Variants in SUSD1 observed in about 807,000 individuals in gnomAD.
The protein encoded by SUSD1 is sushi domain-containing protein 1.
A neutral mutation model predicts 86.9 loss-of-function variants in SUSD1; 65 were observed. The ratio of observed to expected loss-of-function variants is 0.75; its 90% CI spans 0.61 to 0.92. The LOEUF (loss-of-function observed/expected upper bound fraction) is 0.92, where lower values mean the gene tolerates loss of function less well. Among genes scored for constraint, SUSD1 ranks in the 40% least tolerant of loss-of-function variants. SUSD1 has a pLI of 0.00. For synonymous variants in SUSD1, 346 were observed against 350.0 expected, an observed-to-expected ratio of 0.99 and a Z score of 0.13; for missense variants, 850 against 929.7, an observed-to-expected ratio of 0.91 and a Z score of 1.11.
intron 4 of SUSD1, 49 bp downstream of exon 4, chr9:112,143,422 A>G (rs1357306845): frequency 1.3e-6 from 2 of 1,596,418 alleles, no homozygotes; most frequent in East Asian, 2.2e-5. Flanking sequence ...GAAAGTCACC[A>G]TCAACAGAAT....
At chr9:112,046,509 C>A (rs1416743929) in intron 15 of SUSD1, among the ~76,000 whole-genome samples, 4 of 152,146 alleles carry the variant, frequency 2.6e-5, no homozygotes, top group African/African-American at 4.8e-5. Flanking sequence ...AGTGATGGGG[C>A]CTTGCTGGAC....
At chr9:112,121,230 T>C (rs1178713373) in intron 6 of SUSD1, among the ~76,000 whole-genome samples, 2 of 152,164 alleles carry the variant, frequency 1.3e-5, no homozygotes, top group Admixed American at 6.5e-5. Context: ...TACCCTTCTT[T>C]GTTTTTCTGA....
At chr9:112,127,589 CGTTT>C (rs1315628785) in intron 5 of SUSD1, among the ~76,000 whole-genome samples, 1 of 149,940 alleles carries the variant, frequency 6.7e-6, no homozygotes, top group African/African-American at 2.4e-5. Context: ...TATGTTCATT[CGTTT>C]ATTTATTCCT....
chr9:112,169,719 G>C (rs1833961901), intron 1 of SUSD1, among the ~76,000 whole-genome samples: 1 of 148,236 alleles, frequency 6.7e-6, no homozygotes, highest in Admixed American at 6.8e-5. Flanking sequence ...TTGTTGCCCA[G>C]GCTGGAGTAC....
intron 5 of SUSD1, among the ~76,000 whole-genome samples, chr9:112,138,237 G>GTATATATATATA (rs375674193): frequency 7.2e-4 from 3 of 4,146 alleles, no homozygotes; most frequent in Non-Finnish European, 1.1e-3. Context: ...AAAAAAATGT[G>GTATATATATATA]TATATATATA....
intron 6 of SUSD1, among the ~76,000 whole-genome samples, chr9:112,115,297 C>T (rs916766796): frequency 6.6e-6 from 1 of 152,198 alleles, no homozygotes; most frequent in Non-Finnish European, 1.5e-5. Flanking sequence ...ATCCCTTCAG[C>T]AGCAATGCCT....
chr9:112,150,285 G>A (rs780953609), intron 2 of SUSD1, among the ~76,000 whole-genome samples: 5 of 152,202 alleles, frequency 3.3e-5, no homozygotes, highest in South Asian at 4.1e-4. Context: ...TCTAATTTAA[G>A]AGGAAACTCC....
Position 112,102,193 on chromosome 9 carries a change from A to T in SUSD1, c.1264T>A (p.Ser422Thr). Residue 422 changes from serine to threonine, a missense_variant, in exon 9 of 17, where the codon TCA becomes ACA. Ser to Thr is a moderately conservative substitution (Grantham distance 58, BLOSUM62 1). Transcript: ENST00000374270. Reference sequence around the variant, plus strand: ...CTCCTTACTTGGTACATGTGTTCTGATCCAACTTTCCTAGAACGCCTGTTC... The same window carrying T: ...CTCCTTACTTGGTACATGTGTTCTGTTCCAACTTTCCTAGAACGCCTGTTC... ...KLNRRSRKVG[S>T]EHMYQFTVLG... is the part of the protein sequence containing the mutation. 1 of 1,594,564 alleles carries T rather than the reference A, an allele frequency of 6.3e-7. No homozygotes were observed. Among genetic ancestry groups the T allele is most frequent in the African/African-American group, 1.4e-5 (1 of 73,952 alleles).
chr9:112,075,410 T>TAA (rs71274274), intron 12 of SUSD1, among the ~76,000 whole-genome samples: 14 of 148,642 alleles, frequency 9.4e-5, no homozygotes, highest in Non-Finnish European at 1.2e-4. Flanking sequence ...AGAAAGAAAA[T>TAA]AAAAAAAAAA....
intron 10 of SUSD1, among the ~76,000 whole-genome samples, chr9:112,080,842 C>A (rs1466644864): frequency 2.0e-5 from 3 of 152,100 alleles, no homozygotes; most frequent in Non-Finnish European, 2.9e-5. Context: ...AAATTCTGAG[C>A]TAAGAGCAAC....
Position 112,063,002 on chromosome 9 carries a change from C to G in SUSD1, c.1785G>C (p.Thr595=). The change falls in exon 13 of 17, where the codon ACG becomes ACC. Residue 595 remains threonine, a synonymous_variant. Coordinates refer to ENST00000374270, the MANE Select transcript of SUSD1 (RefSeq NM_022486.5). The part of the protein sequence containing the change: ...EPPLPEVEFF[T]VHRGPLPRLR... ...GGCGTGGTAGAGGTCCTCTGTGCAC[C>G]GTAAAAAATTCTACTTCCGGGAGGG... 2 of 1,612,872 alleles carry G rather than the reference C, an allele frequency of 1.2e-6. No individual in the cohort carries two copies. The highest frequency in any genetic ancestry group is 2.2e-5 in the East Asian group (1 of 44,856).
intron 11 of SUSD1, 81 bp downstream of exon 11, chr9:112,079,993 T>C (rs1829695688): frequency 5.1e-6 from 5 of 977,068 alleles, no homozygotes; most frequent in Middle Eastern, 2.2e-4. Context: ...GTTATAGATG[T>C]AGATTTTTAG....
chr9:112,124,107 C>T (rs908890769), intron 6 of SUSD1, 150 bp downstream of exon 6: 24 of 674,668 alleles, frequency 3.6e-5, no homozygotes, highest in Non-Finnish European at 5.1e-5. Context: ...CAGGATTTAG[C>T]TGACAAATCT....
Position 112,118,179 on chromosome 9 carries a change from G to A in SUSD1, c.887-5311C>T, listed in dbSNP as rs181120591. ...CTCAGCATCATTTCTAGTCAAAACA[G>A]CATCTGATTTCAAAAGGAATGTAAC... On this transcript the variant is annotated intron_variant, in intron 6 of 16. Transcript: ENST00000374270. Among the ~76,000 whole-genome samples, 91 of 152,294 alleles carry A rather than the reference G, an allele frequency of 6.0e-4. 1 individual carries two copies. The highest frequency in any genetic ancestry group is 2.0e-3 in the African/African-American group (84 of 41,578).
chr9:112,053,054 G>A (rs1828289953), intron 14 of SUSD1, among the ~76,000 whole-genome samples: 1 of 152,134 alleles, frequency 6.6e-6, no homozygotes, highest in Non-Finnish European at 1.5e-5. Context: ...TACAAATGCT[G>A]GGGACTTGCT....
intron 14 of SUSD1, among the ~76,000 whole-genome samples, chr9:112,056,710 T>TTGTG (rs58974133): frequency 3.9e-4 from 57 of 147,010 alleles, no homozygotes; most frequent in African/African-American, 8.8e-4. Context: ...CCAGAATTCT[T>TTGTG]TGTGTGTGTG....
intron 12 of SUSD1, among the ~76,000 whole-genome samples, chr9:112,076,363 C>T (rs1215600691): frequency 1.3e-5 from 2 of 152,164 alleles, no homozygotes; most frequent in Non-Finnish European, 2.9e-5. Context: ...GACAGCAAGC[C>T]AACAGGGCTT....
At chr9:112,128,724 G>C (rs1448531746) in intron 5 of SUSD1, among the ~76,000 whole-genome samples, 1 of 152,124 alleles carries the variant, frequency 6.6e-6, no homozygotes, top group Non-Finnish European at 1.5e-5. Context: ...CTGAAGGATG[G>C]CAATGAGCAA....
At chr9:112,174,928 G>A (rs1313606901) in intron 1 of SUSD1, among the ~76,000 whole-genome samples, 2 of 151,544 alleles carry the variant, frequency 1.3e-5, no homozygotes, top group Non-Finnish European at 2.9e-5. Context: ...TCGGGCGGGG[G>A]CAGGGAAGCC....
Sources: allele counts gnomAD v4.1 joint callset (sites outside exome capture counted in the v4.1 genomes callset), GRCh38; gene constraint gnomAD v4.1.1; transcripts MANE v1.5; gene names NCBI Gene and HGNC (gene_info 2026-07-23, HGNC 2026-07-21).